Variants in SENP7 observed in about 807,000 individuals in gnomAD.
SENP7 encodes the protein sentrin-specific protease 7.
Under a neutral mutation model 141.2 loss-of-function variants are expected in SENP7, and 64 were observed. The observed-to-expected ratio is 0.45, with a 90% CI of 0.37 to 0.56. The LOEUF (loss-of-function observed/expected upper bound fraction) is 0.56, where lower values mean the gene tolerates loss of function less well. Ranked by LOEUF, SENP7 falls within the 20% of genes least tolerant of loss-of-function variation. The pLI, the probability that SENP7 is intolerant of heterozygous loss-of-function variation, is 0.00. For missense variants in SENP7, 1,025 were observed against 1,212.2 expected (o/e 0.85, Z 2.29); for synonymous variants, 382 against 426.4 (o/e 0.90, Z 1.28).
At chr3:101,435,459 T>C (rs2062349300) in intron 4 of SENP7, among the ~76,000 whole-genome samples, 1 of 152,030 alleles carries the variant, frequency 6.6e-6, no homozygotes, top group Admixed American at 6.6e-5. Context: ...CAGAAAGATA[T>C]AAAGGGCATC....
chr3:101,434,962 A>C (rs778368304), intron 4 of SENP7, among the ~76,000 whole-genome samples: 12 of 152,106 alleles, frequency 7.9e-5, no homozygotes, highest in Non-Finnish European at 1.5e-4. Flanking sequence ...ACAAAGAAAC[A>C]TCAAAAAAAG....
chr3:101,453,873 A>T (rs1019740541), intron 4 of SENP7, among the ~76,000 whole-genome samples: 11 of 152,108 alleles, frequency 7.2e-5, no homozygotes, highest in Non-Finnish European at 1.2e-4. Context: ...TAATTTAAAA[A>T]ATTAAAAAAA....
chr3:101,416,552 G>A (rs2107653286), intron 5 of SENP7, among the ~76,000 whole-genome samples: 1 of 152,310 alleles, frequency 6.6e-6, no homozygotes, highest in Non-Finnish European at 1.5e-5. Flanking sequence ...ATGAGAGCAA[G>A]CTGCTTCATA....
At chr3:101,471,911 T>C (rs1320526031) in intron 3 of SENP7, among the ~76,000 whole-genome samples, 2 of 152,206 alleles carry the variant, frequency 1.3e-5, no homozygotes, top group East Asian at 3.8e-4. Context: ...ACACTCATCA[T>C]CACTGGTCAT....
At chr3:101,400,198 A>C (rs1328536605) in intron 5 of SENP7, among the ~76,000 whole-genome samples, 3 of 152,218 alleles carry the variant, frequency 2.0e-5, no homozygotes, top group African/African-American at 7.2e-5. Flanking sequence ...CCTGTTATGT[A>C]ATTTTAAAGT....
At chr3:101,380,696 A>C (rs1469600737) in intron 6 of SENP7, among the ~76,000 whole-genome samples, 1 of 151,964 alleles carries the variant, frequency 6.6e-6, no homozygotes, top group Non-Finnish European at 1.5e-5. Context: ...TAAAAAGCAT[A>C]AAGAAAAATA....
intron 4 of SENP7, among the ~76,000 whole-genome samples, chr3:101,454,410 G>C (rs185431658): frequency 1.3e-5 from 2 of 152,202 alleles, no homozygotes; most frequent in East Asian, 3.9e-4. Flanking sequence ...TACTTGGTGG[G>C]CTGAGGCGGG....
chr3:101,460,837 C>T (rs1244575607), intron 3 of SENP7, among the ~76,000 whole-genome samples: 1 of 152,030 alleles, frequency 6.6e-6, no homozygotes, highest in African/African-American at 2.4e-5. Context: ...TGGCTCACAC[C>T]TGTAATCCCA....
chr3:101,431,322 T>G (rs2062159163), intron 4 of SENP7, among the ~76,000 whole-genome samples: 1 of 152,172 alleles, frequency 6.6e-6, no homozygotes, highest in South Asian at 2.1e-4. Flanking sequence ...TCTAAGTCTC[T>G]TTGTAGGTCT....
At chr3:101,327,246 C>T (rs922253817) in intron 23 of SENP7, among the ~76,000 whole-genome samples, 10 of 152,012 alleles carry the variant, frequency 6.6e-5, no homozygotes, top group Admixed American at 5.9e-4. Flanking sequence ...TTTGCTGTGC[C>T]CCGACCCAAA....
intron 3 of SENP7, among the ~76,000 whole-genome samples, chr3:101,475,462 C>A (rs1420152687): frequency 6.6e-6 from 1 of 152,158 alleles, no homozygotes; most frequent in East Asian, 1.9e-4. Flanking sequence ...AACAGAAAAA[C>A]AAACACCACA....
At chr3:101,433,052 C>A (rs1399532422) in intron 4 of SENP7, among the ~76,000 whole-genome samples, 1 of 152,084 alleles carries the variant, frequency 6.6e-6, no homozygotes, top group Non-Finnish European at 1.5e-5. Flanking sequence ...ACTACAATAA[C>A]TTTTCAAGAC....
intron 15 of SENP7, 174 bp from the exon 16 acceptor site, chr3:101,340,385 T>C: frequency 1.1e-5 from 8 of 718,950 alleles, no homozygotes; most frequent in Non-Finnish European, 1.7e-5. Flanking sequence ...CCTCACAAGC[T>C]ACTAATGGTA....
At chr3:101,470,490 G>A (rs1350615171) in intron 3 of SENP7, among the ~76,000 whole-genome samples, 2 of 152,082 alleles carry the variant, frequency 1.3e-5, no homozygotes, top group East Asian at 1.9e-4. Flanking sequence ...AGGTATCAAT[G>A]GAACGTATCT....
At chr3:101,433,875 C>CAACA (rs373406612) in intron 4 of SENP7, among the ~76,000 whole-genome samples, 35 of 152,006 alleles carry the variant, frequency 2.3e-4, no homozygotes, top group South Asian at 1.0e-3. Flanking sequence ...GACAGAAAAT[C>CAACA]AACAAACAAA....
At position 101,443,776 on chromosome 3, in the gene SENP7, A is replaced by C. The variant is rs1482330903; in HGVS notation, c.284+15179T>G. Among the ~76,000 whole-genome samples the C allele has an allele frequency of 3.9e-5, 3 of 77,190 alleles. 1 individual carries two copies. The highest frequency in any genetic ancestry group is 7.4e-5 in the Non-Finnish European group (3 of 40,684). The allele number at this position is 77,190 out of a possible 152,430, so 50.6% of individuals were successfully genotyped here. On this transcript the variant is annotated intron_variant, in intron 4 of 23. Coordinates refer to ENST00000394095, the MANE Select transcript of SENP7 (RefSeq NM_020654.5). Reference sequence around the variant, plus strand: ...TGTCTGTTGATTTTTGTACATTGTGATTTTTGTACATTGACTTTGTATCCT... The same window carrying C: ...TGTCTGTTGATTTTTGTACATTGTGCTTTTTGTACATTGACTTTGTATCCT...
At chr3:101,432,424 C>A (rs2062216471) in intron 4 of SENP7, among the ~76,000 whole-genome samples, 1 of 152,168 alleles carries the variant, frequency 6.6e-6, no homozygotes, top group Non-Finnish European at 1.5e-5. Flanking sequence ...GATCATAGAG[C>A]CCTGGACCCT....
chr3:101,510,867 A>C (rs1010175855), intron 1 of SENP7, among the ~76,000 whole-genome samples: 17 of 148,226 alleles, frequency 1.1e-4, no homozygotes, highest in Middle Eastern at 3.5e-3. Flanking sequence ...AAAAAAAGTC[A>C]CTTCATTTGG....
chr3:101,337,847 A>T (rs889788119), intron 16 of SENP7, among the ~76,000 whole-genome samples: 2 of 152,158 alleles, frequency 1.3e-5, no homozygotes, highest in Non-Finnish European at 2.9e-5. Flanking sequence ...TTTACTTAAC[A>T]AATATTTATC....
Sources: allele counts gnomAD v4.1 joint callset (sites outside exome capture counted in the v4.1 genomes callset), GRCh38; gene constraint gnomAD v4.1.1; transcripts MANE v1.5; gene names NCBI Gene and HGNC (gene_info 2026-07-23, HGNC 2026-07-21).